Variants in ARID5B observed in about 807,000 individuals in gnomAD.
The protein encoded by ARID5B is AT-rich interactive domain-containing protein 5B.
ARID5B carries 13 observed loss-of-function variants against 97.2 expected under a neutral mutation model. The observed-to-expected ratio is 0.13, with a 90% confidence interval of 0.09 to 0.21. The LOEUF (loss-of-function observed/expected upper bound fraction) is 0.21, where lower values mean the gene tolerates loss of function less well. Among genes scored for constraint, ARID5B ranks in the 10% least tolerant of loss-of-function variants. The pLI is 1.00. For missense variants in ARID5B, 1,210 were observed against 1,465.3 expected, an observed-to-expected ratio of 0.83 and a Z score of 2.84; for synonymous variants, 556 against 570.3, an observed-to-expected ratio of 0.97 and a Z score of 0.36.
chr10:61,934,620 T>A (rs1462467682), intron 2 of ARID5B, among the ~76,000 whole-genome samples: 2 of 152,082 alleles, frequency 1.3e-5, no homozygotes, highest in Non-Finnish European at 2.9e-5. Flanking sequence ...AAAAGGCAGG[T>A]CAGTGGAGCA....
intron 7 of ARID5B, among the ~76,000 whole-genome samples, chr10:62,066,682 C>T (rs1466240654): frequency 6.6e-6 from 1 of 152,110 alleles, no homozygotes; most frequent in Non-Finnish European, 1.5e-5. Flanking sequence ...ATTTTTCCCT[C>T]CTGTGATAAT....
intron 4 of ARID5B, among the ~76,000 whole-genome samples, chr10:62,040,712 TG>T (rs1839625726): frequency 6.6e-6 from 1 of 152,240 alleles, no homozygotes; most frequent in South Asian, 2.1e-4. Context: ...CATTTCAATA[TG>T]CAATCAATAT....
chr10:62,077,097 C>T (rs1273676580), intron 8 of ARID5B, among the ~76,000 whole-genome samples: 2 of 152,216 alleles, frequency 1.3e-5, no homozygotes, highest in Admixed American at 1.3e-4. Flanking sequence ...CTTGTTCTTA[C>T]AGGGCTCTGA....
chr10:62,051,903 A>C (rs139140099), intron 5 of ARID5B, among the ~76,000 whole-genome samples: 49 of 152,144 alleles, frequency 3.2e-4, no homozygotes, highest in African/African-American at 1.2e-3. Context: ...TTAGTGGTGA[A>C]TTTGGAAGAG....
intron 4 of ARID5B, among the ~76,000 whole-genome samples, chr10:62,016,178 A>G (rs922107985): frequency 3.3e-5 from 5 of 152,242 alleles, no homozygotes; most frequent in African/African-American, 1.2e-4. Context: ...AGCCTGTTAC[A>G]GAGTTTTATT....
rs1564651481 is a variant in ARID5B, at chr10:62,092,808, C to T, written c.3345C>T (p.Leu1115=). ...YLKNQTVLSP[L]MQPLAFHSLV... ...AAAACCAGACTGTGCTTTCTCCACTCATGCAGCCCCTGGCTTTCCACTCGC... is the reference window on the plus strand; with the variant it reads ...AAAACCAGACTGTGCTTTCTCCACTTATGCAGCCCCTGGCTTTCCACTCGC... Residue 1115 remains leucine, a synonymous_variant, in exon 10 of 10, where the codon CTC becomes CTT. Coordinates refer to ENST00000279873, the MANE Select transcript of ARID5B (RefSeq NM_032199.3). 1.2e-6 allele frequency: 2 copies of T among 1,614,214 alleles called. No homozygotes were observed. The highest frequency in any genetic ancestry group is 1.1e-5 in the South Asian group (1 of 91,076).
chr10:61,976,451 T>A (rs1417165220), intron 3 of ARID5B, among the ~76,000 whole-genome samples: 1 of 152,188 alleles, frequency 6.6e-6, no homozygotes, highest in African/African-American at 2.4e-5. Context: ...TAACTGTGTA[T>A]ATTTGCTCCC....
intron 4 of ARID5B, among the ~76,000 whole-genome samples, chr10:62,033,621 C>G (rs1004251693): frequency 1.3e-5 from 2 of 152,216 alleles, no homozygotes; most frequent in African/African-American, 4.8e-5. Context: ...ACTCTCCAAC[C>G]AGCAAACTGC....
chr10:62,021,007 G>A (rs931826910), intron 4 of ARID5B, among the ~76,000 whole-genome samples: 15 of 143,734 alleles, frequency 1.0e-4, no homozygotes, highest in East Asian at 6.2e-4. Context: ...GCAGTGCACT[G>A]GGATCATGGG....
chr10:61,916,178 C>T lies in ARID5B; in HGVS notation c.276+13765C>T, dbSNP rs867667283. On this transcript the variant is annotated intron_variant, in intron 2 of 9. Coordinates refer to ENST00000279873, the MANE Select transcript of ARID5B (RefSeq NM_032199.3). The stretch of plus-strand genomic sequence containing the variant: ...AAGTGATTCTTGTGCCTCAGCCTGC[C>T]GAGTAGCTGGGATTGCAGGCAGGTG... Among the ~76,000 whole-genome samples the T allele has an allele frequency of 5.3e-5, 8 of 152,120 alleles. No homozygotes were observed. The East Asian group carries it at 1.3e-3, about 26-fold the overall frequency.
intron 7 of ARID5B, among the ~76,000 whole-genome samples, chr10:62,059,527 CCT>C (rs911869221): frequency 3.3e-5 from 5 of 152,136 alleles, no homozygotes; most frequent in African/African-American, 4.8e-5. Context: ...GTAACTCTCC[CCT>C]GTCAGGGAAA....
At chr10:62,090,681 G>A (rs1158799249) in intron 9 of ARID5B, among the ~76,000 whole-genome samples, 181 bp from the exon 10 acceptor site, 2 of 152,134 alleles carry the variant, frequency 1.3e-5, no homozygotes, top group African/African-American at 4.8e-5. Context: ...TAATGTTTCT[G>A]TAATTTAGAT....
chr10:62,032,387 C>T (rs1343012164), intron 4 of ARID5B, among the ~76,000 whole-genome samples: 1 of 152,074 alleles, frequency 6.6e-6, no homozygotes, highest in Non-Finnish European at 1.5e-5. Context: ...TCTGTGCTAC[C>T]CCAACTGGAC....
chr10:62,014,891 T>C (rs867946757), intron 4 of ARID5B, among the ~76,000 whole-genome samples: 4 of 152,234 alleles, frequency 2.6e-5, no homozygotes, highest in Admixed American at 1.3e-4. Flanking sequence ...TTGTAGGGTA[T>C]ATGAAACCTC....
chr10:62,032,468 A>T (rs1050880056), intron 4 of ARID5B, among the ~76,000 whole-genome samples: 1 of 152,176 alleles, frequency 6.6e-6, no homozygotes, highest in Non-Finnish European at 1.5e-5. Flanking sequence ...CCTGTAATCC[A>T]GCATTTTGGG....
chr10:62,050,592 G>A (rs541420875), intron 4 of ARID5B, among the ~76,000 whole-genome samples: 32 of 152,314 alleles, frequency 2.1e-4, no homozygotes, highest in Admixed American at 2.0e-3. Flanking sequence ...GTCTAACAAC[G>A]TGGAAGGACA....
intron 4 of ARID5B, among the ~76,000 whole-genome samples, chr10:62,008,331 C>T (rs1051600458): frequency 6.6e-6 from 1 of 152,178 alleles, no homozygotes; most frequent in Non-Finnish European, 1.5e-5. Context: ...AATCAGCATA[C>T]GTGCTCAGTG....
intron 3 of ARID5B, among the ~76,000 whole-genome samples, chr10:61,961,023 C>G (rs969817581): frequency 2.0e-5 from 3 of 152,194 alleles, no homozygotes; most frequent in Non-Finnish European, 1.5e-5. Context: ...TGCTTATGGA[C>G]ATTTTTCTGG....
chr10:62,007,333 T>G (rs1318805625), intron 4 of ARID5B, among the ~76,000 whole-genome samples: 2 of 152,208 alleles, frequency 1.3e-5, no homozygotes, highest in African/African-American at 4.8e-5. Context: ...TGACACATGA[T>G]AGGCTCTCAT....
Sources: allele counts gnomAD v4.1 joint callset (sites outside exome capture counted in the v4.1 genomes callset), GRCh38; gene constraint gnomAD v4.1.1; transcripts MANE v1.5; gene names NCBI Gene and HGNC (gene_info 2026-07-23, HGNC 2026-07-21).